The following TEAD1 variants were observed in gnomAD, a reference collection of about 807,000 sequenced individuals.
TEAD1 encodes TEA domain transcription factor 1, also known as transcriptional enhancer factor TEF-1.
Under a neutral mutation model 54.9 loss-of-function variants are expected in TEAD1, and 9 were observed. That is an observed-to-expected ratio of 0.16 (90% CI 0.10 to 0.29). The LOEUF (loss-of-function observed/expected upper bound fraction) is 0.29. Among genes scored for constraint, TEAD1 ranks in the 10% least tolerant of loss-of-function variants. TEAD1 has a pLI of 1.00. For synonymous variants in TEAD1, 200 were observed against 187.8 expected, an observed-to-expected ratio of 1.07 and a Z score of -0.53; for missense variants, 387 against 535.9, an observed-to-expected ratio of 0.72 and a Z score of 2.74.
At chr11:12,881,814 G>A in intron 7 of TEAD1, 82 bp from the exon 8 acceptor site, 1 of 1,439,580 alleles carries the variant, frequency 6.9e-7, no homozygotes, top group Non-Finnish European at 9.8e-7. Flanking sequence ...ACCTCCCACT[G>A]GGAGGTCATG....
chr11:12,909,055 G>A (rs1948573720), intron 10 of TEAD1, among the ~76,000 whole-genome samples: 1 of 151,904 alleles, frequency 6.6e-6, no homozygotes, highest in Non-Finnish European at 1.5e-5. Context: ...GCCTTGACTG[G>A]TGCAATTTAA....
chr11:12,682,411 G>A (rs997866119), intron 2 of TEAD1, among the ~76,000 whole-genome samples: 4 of 152,290 alleles, frequency 2.6e-5, no homozygotes, highest in Non-Finnish European at 5.9e-5. Flanking sequence ...GTGTGTCACG[G>A]TTACTGGTGA....
intron 3 of TEAD1, among the ~76,000 whole-genome samples, chr11:12,824,995 C>G (rs1946621525): frequency 6.6e-6 from 1 of 152,066 alleles, no homozygotes; most frequent in South Asian, 2.1e-4. Flanking sequence ...ATTTTTGATT[C>G]TGTTCTTAAT....
intron 10 of TEAD1, among the ~76,000 whole-genome samples, chr11:12,906,658 G>A (rs1948527945): frequency 6.6e-6 from 1 of 152,154 alleles, no homozygotes. Context: ...CACCCCGCGA[G>A]GATCTCCTGT....
intron 9 of TEAD1, among the ~76,000 whole-genome samples, chr11:12,901,113 T>C (rs1027292079): frequency 6.6e-6 from 1 of 152,228 alleles, no homozygotes; most frequent in African/African-American, 2.4e-5. Context: ...TTTGTGATGT[T>C]TAAATGATCC....
In TEAD1 at chr11:12,942,040, G is replaced by A. The variant is rs1221307291; in HGVS notation, c.*4818G>A. On this transcript the variant is annotated 3_prime_UTR_variant, in exon 13 of 13. Coordinates refer to ENST00000527636, the MANE Select transcript of TEAD1 (RefSeq NM_021961.6). ...CAGTTCTATAGGAAACTGACTGCTT[G>A]GTGTAAAATCCGAAACTGGACACAA... 2.0e-5 allele frequency: 3 copies of A among 152,476 alleles called. No individual in the cohort carries two copies. The highest frequency in any genetic ancestry group is 2.9e-5 in the Non-Finnish European group (2 of 68,012). 9.4% of individuals were successfully genotyped at this position (152,476 alleles called of 1,614,324 possible).
chr11:12,707,448 C>G (rs1048079363), intron 2 of TEAD1, among the ~76,000 whole-genome samples: 5 of 152,180 alleles, frequency 3.3e-5, no homozygotes, highest in Admixed American at 3.3e-4. Context: ...GTCTGTGCAC[C>G]AGAGCTTAAC....
At chr11:12,867,878 CTG>C (rs1489025443) in intron 5 of TEAD1, among the ~76,000 whole-genome samples, 2 of 152,174 alleles carry the variant, frequency 1.3e-5, no homozygotes, top group Non-Finnish European at 2.9e-5. Context: ...AAAAGAGACA[CTG>C]TGCTTTGCCT....
At chr11:12,907,810 C>T (rs978949490) in intron 10 of TEAD1, among the ~76,000 whole-genome samples, 3 of 152,170 alleles carry the variant, frequency 2.0e-5, no homozygotes, top group Non-Finnish European at 2.9e-5. Flanking sequence ...TAGTAAATGC[C>T]ACATCTGCTA....
At chr11:12,909,535 G>A (rs564696484) in intron 10 of TEAD1, among the ~76,000 whole-genome samples, 8 of 151,710 alleles carry the variant, frequency 5.3e-5, no homozygotes, top group East Asian at 1.9e-4. Context: ...GGGGTGGGGG[G>A]CGAGGGGAGG....
intron 3 of TEAD1, among the ~76,000 whole-genome samples, chr11:12,818,095 A>G (rs959475036): frequency 1.3e-5 from 2 of 152,228 alleles, no homozygotes; most frequent in African/African-American, 4.8e-5. Flanking sequence ...ATTACTTTTC[A>G]TATATGTGGG....
chr11:12,746,183 G>A (rs1263792105), intron 2 of TEAD1, among the ~76,000 whole-genome samples: 1 of 152,194 alleles, frequency 6.6e-6, no homozygotes, highest in Non-Finnish European at 1.5e-5. Context: ...ATTCTTGCAC[G>A]AGAGTAGCAC....
At chr11:12,877,517 G>A (rs1054957304) in intron 5 of TEAD1, among the ~76,000 whole-genome samples, 4 of 152,080 alleles carry the variant, frequency 2.6e-5, no homozygotes, top group Non-Finnish European at 4.4e-5. Context: ...AAATTAGCCG[G>A]GCATGGTGGC....
At chr11:12,859,186 G>C (rs1947450636) in intron 3 of TEAD1, among the ~76,000 whole-genome samples, 1 of 152,184 alleles carries the variant, frequency 6.6e-6, no homozygotes, top group Non-Finnish European at 1.5e-5. Context: ...AAATAGGGCT[G>C]TCTTGGATAT....
intron 5 of TEAD1, among the ~76,000 whole-genome samples, chr11:12,866,841 G>A (rs558479537): frequency 1.3e-5 from 2 of 152,302 alleles, no homozygotes; most frequent in South Asian, 2.1e-4. Flanking sequence ...ACTGTGATGG[G>A]CAGTTAACAG....
intron 3 of TEAD1, among the ~76,000 whole-genome samples, chr11:12,829,641 G>A (rs1325383336): frequency 6.6e-6 from 1 of 152,154 alleles, no homozygotes; most frequent in Non-Finnish European, 1.5e-5. Flanking sequence ...GCTCTCCACT[G>A]TTAGCATGAA....
Position 12,919,333 on chromosome 11 carries a change from G to C in TEAD1, c.874-5579G>C, listed in dbSNP as rs534712280. On this transcript the variant is annotated intron_variant, in intron 10 of 12. Transcript: ENST00000527636. ...GAGGTGGTAGGAATGGTCTGCCGCA[G>C]CTGCAAGCAGTAAGGACTTTGCTTG... Among the ~76,000 whole-genome samples, 8 of 152,294 alleles carry C rather than the reference G, an allele frequency of 5.3e-5. No homozygotes were observed. The South Asian group carries it at 1.7e-3, about 32-fold the overall frequency.
At chr11:12,869,384 G>A (rs1385269899) in intron 5 of TEAD1, among the ~76,000 whole-genome samples, 1 of 152,066 alleles carries the variant, frequency 6.6e-6, no homozygotes, top group Non-Finnish European at 1.5e-5. Context: ...TCCCTGCTTT[G>A]GTGCTCTCTG....
At chr11:12,701,760 C>T (rs1383086980) in intron 2 of TEAD1, among the ~76,000 whole-genome samples, 1 of 152,116 alleles carries the variant, frequency 6.6e-6, no homozygotes, top group Non-Finnish European at 1.5e-5. Flanking sequence ...AGATAAGAGA[C>T]TTTAAGAGAC....
Sources: allele counts gnomAD v4.1 joint callset (sites outside exome capture counted in the v4.1 genomes callset), GRCh38; gene constraint gnomAD v4.1.1; transcripts MANE v1.5; gene names NCBI Gene and HGNC (gene_info 2026-07-23, HGNC 2026-07-21).